Variants in PCDH7 observed in about 807,000 individuals in gnomAD.
PCDH7 encodes the protein protocadherin 7, also known as protocadherin-7.
In PCDH7, 17 loss-of-function variants were observed where a neutral mutation model predicts 58.9. That is an observed-to-expected ratio of 0.29 (90% CI 0.20 to 0.43). The LOEUF (loss-of-function observed/expected upper bound fraction) is 0.43. Ranked by LOEUF, PCDH7 falls within the 20% of genes least tolerant of loss-of-function variation. The pLI, the probability that PCDH7 is intolerant of heterozygous loss-of-function variation, is 1.00. For missense variants in PCDH7, 1,274 were observed against 1,441.0 expected (o/e 0.88, Z 1.88); for synonymous variants, 664 against 616.4 (o/e 1.08, Z -1.14).
At chr4:31,063,202 A>G (rs1228088370) in intron 3 of PCDH7, among the ~76,000 whole-genome samples, 3 of 151,886 alleles carry the variant, frequency 2.0e-5, no homozygotes, top group Non-Finnish European at 4.4e-5. Context: ...TGTATGTACC[A>G]TGTGGATTAC....
At chr4:30,815,182 A>G (rs979295622) in intron 1 of PCDH7, among the ~76,000 whole-genome samples, 1 of 151,444 alleles carries the variant, frequency 6.6e-6, no homozygotes, top group Admixed American at 6.6e-5. Flanking sequence ...TTTCATTATA[A>G]TTTATATATA....
chr4:30,999,652 C>T (rs1171036611), intron 3 of PCDH7, among the ~76,000 whole-genome samples: 1 of 152,080 alleles, frequency 6.6e-6, no homozygotes, highest in African/African-American at 2.4e-5. Context: ...CGATACATTA[C>T]ATTTTAAATT....
At chr4:30,735,256 T>C (rs1716090348), downstream of PCDH7, among the ~76,000 whole-genome samples, 1 of 152,160 alleles carries the variant, frequency 6.6e-6, no homozygotes, top group Non-Finnish European at 1.5e-5. Flanking sequence ...TCAACTGATA[T>C]ATTCCTGCAG....
intron 3 of PCDH7, among the ~76,000 whole-genome samples, chr4:31,038,663 G>C (rs1755607977): frequency 6.6e-6 from 1 of 152,102 alleles, no homozygotes. Context: ...CAGAAATTCT[G>C]TTTGTGGGAT....
At chr4:30,793,138 G>A (rs768471828) in intron 1 of PCDH7, among the ~76,000 whole-genome samples, 50 of 152,092 alleles carry the variant, frequency 3.3e-4, no homozygotes, top group Non-Finnish European at 2.9e-5. Context: ...TTTTGATTGA[G>A]AAGTTTGTGA....
intron 1 of PCDH7, among the ~76,000 whole-genome samples, chr4:30,851,465 A>C (rs1732733728): frequency 6.6e-6 from 1 of 151,926 alleles, no homozygotes; most frequent in Non-Finnish European, 1.5e-5. Context: ...ATCACTGAAG[A>C]AAAGAGTGTT....
At position 31,088,838 on chromosome 4, in the gene PCDH7, G is replaced by A. The variant is rs73812526; in HGVS notation, c.*8-53635G>A. ...AGTAACCGTAATTCTTTTCACCTACGTAGTAGAGTGTAATAAAAGCTCCAA... is the reference window on the plus strand; with the variant it reads ...AGTAACCGTAATTCTTTTCACCTACATAGTAGAGTGTAATAAAAGCTCCAA... On this transcript the variant is annotated intron_variant, in intron 3 of 3. Coordinates refer to the PCDH7 transcript ENST00000509759. Among the ~76,000 whole-genome samples the A allele has an allele frequency of 5.3e-3, 802 of 151,968 alleles. 9 individuals are homozygous for A. Among genetic ancestry groups the A allele is most frequent in the African/African-American group, 0.018 (756 of 41,488 alleles).
chr4:30,949,347 A>T (rs1372233031), intron 2 of PCDH7, among the ~76,000 whole-genome samples: 1 of 152,130 alleles, frequency 6.6e-6, no homozygotes, highest in Non-Finnish European at 1.5e-5. Flanking sequence ...AAATTGTACC[A>T]GTGTTTGTTT....
At chr4:30,813,872 C>G (rs1475284276) in intron 1 of PCDH7, among the ~76,000 whole-genome samples, 1 of 152,082 alleles carries the variant, frequency 6.6e-6, no homozygotes, top group Non-Finnish European at 1.5e-5. Flanking sequence ...GAACTCCTGA[C>G]CTCGTGATCT....
At chr4:30,783,677 T>G (rs1213170579) in intron 1 of PCDH7, among the ~76,000 whole-genome samples, 1 of 152,158 alleles carries the variant, frequency 6.6e-6, no homozygotes, top group African/African-American at 2.4e-5. Flanking sequence ...AGTGTGTTCT[T>G]GTACTGAGGT....
At chr4:30,955,729 A>G (rs1019671732) in intron 3 of PCDH7, among the ~76,000 whole-genome samples, 3 of 151,360 alleles carry the variant, frequency 2.0e-5, no homozygotes, top group Non-Finnish European at 2.9e-5. Flanking sequence ...TTTTATTTTT[A>G]GTGGAGACAG....
intron 3 of PCDH7, among the ~76,000 whole-genome samples, chr4:30,998,023 A>C (rs1441416901): frequency 6.6e-6 from 1 of 152,190 alleles, no homozygotes; most frequent in African/African-American, 2.4e-5. Flanking sequence ...AAAAGAGGGA[A>C]TCAAAGTAAG....
chr4:31,041,044 C>T (rs1027267716), intron 3 of PCDH7, among the ~76,000 whole-genome samples: 2 of 152,144 alleles, frequency 1.3e-5, no homozygotes, highest in East Asian at 3.9e-4. Context: ...TTCTGTTTAC[C>T]GGGGCTTGCA....
intron 1 of PCDH7, among the ~76,000 whole-genome samples, chr4:30,818,913 T>C (rs1424501930): frequency 6.6e-6 from 1 of 152,194 alleles, no homozygotes; most frequent in African/African-American, 2.4e-5. Context: ...CCTACACTTA[T>C]AGTTCTAAAA....
chr4:31,122,819 G>A (rs908132363), intron 3 of PCDH7, among the ~76,000 whole-genome samples: 2 of 151,490 alleles, frequency 1.3e-5, no homozygotes. Flanking sequence ...TTTCTTTGGG[G>A]GAAATGAGAG....
intron 1 of PCDH7, among the ~76,000 whole-genome samples, chr4:30,812,358 A>G (rs527782594): frequency 2.0e-5 from 3 of 152,226 alleles, no homozygotes; most frequent in Non-Finnish European, 2.9e-5. Flanking sequence ...ATACTTGGAA[A>G]TATATCATTT....
At chr4:30,943,417 T>C (rs946766875) in intron 2 of PCDH7, among the ~76,000 whole-genome samples, 5 of 152,174 alleles carry the variant, frequency 3.3e-5, no homozygotes, top group Non-Finnish European at 5.9e-5. Flanking sequence ...GTGAGCAAAC[T>C]AAGGATTACA....
chr4:30,862,039 G>T (rs1734274114), intron 1 of PCDH7, among the ~76,000 whole-genome samples: 1 of 152,226 alleles, frequency 6.6e-6, no homozygotes, highest in East Asian at 1.9e-4. Context: ...CTACAGAAAT[G>T]ATATACTTTA....
At chr4:30,812,910 G>A (rs1727201296) in intron 1 of PCDH7, among the ~76,000 whole-genome samples, 1 of 152,060 alleles carries the variant, frequency 6.6e-6, no homozygotes, top group Admixed American at 6.5e-5. Context: ...AATATAATCA[G>A]GCCTTTAATT....
Sources: gnomAD v4.1 joint callset for allele counts (sites outside exome capture counted in the v4.1 genomes callset) on GRCh38, gnomAD v4.1.1 for gene constraint, MANE v1.5 for transcripts, NCBI Gene and HGNC (gene_info 2026-07-23, HGNC 2026-07-21) for gene names.